ANKHD1: variants seen among roughly 807,000 people sequenced by gnomAD.
The protein encoded by ANKHD1 is ankyrin repeat and KH domain containing 1.
ANKHD1 carries 31 observed loss-of-function variants against 230.5 expected under a neutral mutation model. The ratio of observed to expected loss-of-function variants is 0.13; its 90% CI spans 0.10 to 0.18. The LOEUF (loss-of-function observed/expected upper bound fraction) is 0.18. Ranked by LOEUF, ANKHD1 falls within the 10% of genes least tolerant of loss-of-function variation. ANKHD1 has a pLI of 1.00. For synonymous variants in ANKHD1, 1,074 were observed against 1,117.6 expected (o/e 0.96, Z 0.78); for missense variants, 2,256 against 3,071.3 (o/e 0.73, Z 6.27).
chr5:140,523,862 A>AT (rs937215224), intron 24 of ANKHD1, among the ~76,000 whole-genome samples: 1 of 151,930 alleles, frequency 6.6e-6, no homozygotes, highest in African/African-American at 2.4e-5. Flanking sequence ...CGCCCAGCTG[A>AT]TTTTTTACTT....
At chr5:140,486,354 A>G (rs1224775595) in intron 13 of ANKHD1, among the ~76,000 whole-genome samples, 1 of 152,132 alleles carries the variant, frequency 6.6e-6, no homozygotes, top group African/African-American at 2.4e-5. Flanking sequence ...CGTGAGCCAC[A>G]TGCCCGGCCG....
Position 140,401,997 on chromosome 5 carries a change from C to T in ANKHD1, c.30C>T (p.Thr10=), listed in dbSNP as rs1769980294. 6.4e-7 allele frequency: 1 copy of T among 1,556,340 alleles called. No homozygotes were observed. The change falls in exon 1 of 34, where the codon ACC becomes ACT. Residue 10 remains threonine (T), a synonymous_variant. Coordinates refer to ENST00000360839, the MANE Select transcript of ANKHD1 (RefSeq NM_017747.3). The part of the protein sequence containing the change: MLTDSGGGG[T]SFEEDLDSVA... ...TGACTGATAGCGGAGGCGGCGGCAC[C>T]TCCTTTGAGGAGGACCTGGACTCTG... is the stretch of plus-strand genomic sequence containing the variant.
intron 28 of ANKHD1, 37 bp downstream of exon 28, chr5:140,528,059 G>C (rs767934465): frequency 6.2e-7 from 1 of 1,605,996 alleles, no homozygotes; most frequent in Admixed American, 1.7e-5. Flanking sequence ...GTTCTGAGTA[G>C]AAATTATAAG....
chr5:140,497,431 A>G (rs1752082452), intron 15 of ANKHD1, among the ~76,000 whole-genome samples, 153 bp downstream of exon 15: 1 of 152,242 alleles, frequency 6.6e-6, no homozygotes, highest in Non-Finnish European at 1.5e-5. Flanking sequence ...TGAATTAACT[A>G]TGCTCAATAG....
chr5:140,530,508 C>T (rs1253260491), intron 29 of ANKHD1, among the ~76,000 whole-genome samples: 1 of 152,184 alleles, frequency 6.6e-6, no homozygotes, highest in Non-Finnish European at 1.5e-5. Context: ...AGCCACCGTG[C>T]CCAGCCTAGA....
In ANKHD1 at chr5:140,440,429, T is replaced by C. The variant is rs966848088; in HGVS notation, c.765+163T>C. On this transcript the variant is annotated intron_variant, in intron 4 of 33. Transcript: ENST00000360839. ...GGTAAAGTAGAAACAGATAACACAG[T>C]TTATTTTGTTGCCGGTACATGTAAC... is the stretch of plus-strand genomic sequence containing the variant. 2.1e-4 allele frequency among the ~76,000 whole-genome samples: 32 copies of C among 152,226 alleles called. 1 individual carries two copies. The highest frequency in any genetic ancestry group is 1.1e-3 in the Admixed American group (17 of 15,276).
intron 13 of ANKHD1, chr5:140,486,170 T>C: frequency 5.6e-6 from 1 of 179,272 alleles, no homozygotes; most frequent in Non-Finnish European, 1.1e-5. Flanking sequence ...GCTCAAGCGA[T>C]TCTCTTGCCT....
chr5:140,509,822 T>G lies in ANKHD1; in HGVS notation c.3941+10T>G. On this transcript the variant is annotated intron_variant, in intron 21 of 33. Transcript: ENST00000360839. Reference sequence around the variant, plus strand: ...AACTCCTGATTCATAGGTGAGTACTTTTCTATTATATGTAGAACTTCTCAT... The same window carrying G: ...AACTCCTGATTCATAGGTGAGTACTGTTCTATTATATGTAGAACTTCTCAT... The G allele has an allele frequency of 6.2e-7, 1 of 1,603,604 alleles. No homozygotes were observed. Among genetic ancestry groups the G allele is most frequent in the East Asian group, 2.2e-5 (1 of 44,838 alleles).
chr5:140,508,583 C>T (rs571761020), intron 20 of ANKHD1, among the ~76,000 whole-genome samples: 86 of 152,058 alleles, frequency 5.7e-4, no homozygotes, highest in African/African-American at 2.0e-3. Context: ...GTGAAACCCC[C>T]GTCTCTACTA....
intron 14 of ANKHD1, among the ~76,000 whole-genome samples, chr5:140,487,907 G>C (rs1276569368): frequency 6.6e-6 from 1 of 152,150 alleles, no homozygotes; most frequent in East Asian, 1.9e-4. Context: ...AGAAAAGTTG[G>C]TGTGGGTTGA....
At chr5:140,420,808 C>G (rs1042118307) in intron 1 of ANKHD1, among the ~76,000 whole-genome samples, 2 of 151,964 alleles carry the variant, frequency 1.3e-5, no homozygotes, top group African/African-American at 2.4e-5. Flanking sequence ...TTTGGTTATT[C>G]TGGGTTATTG....
chr5:140,435,670 C>T (rs970215277), intron 1 of ANKHD1, among the ~76,000 whole-genome samples: 3 of 151,956 alleles, frequency 2.0e-5, no homozygotes, highest in African/African-American at 7.2e-5. Flanking sequence ...TGAGCCACTG[C>T]GCCCAGCCCC....
chr5:140,528,900 C>T lies in ANKHD1; in HGVS notation c.5954C>T (p.Ser1985Phe). 3 of 1,614,182 alleles carry T rather than the reference C, an allele frequency of 1.9e-6. No individual in the cohort carries two copies. Among genetic ancestry groups the T allele is most frequent in the Non-Finnish European group, 1.7e-6 (2 of 1,180,042 alleles). The change falls in exon 29 of 34, where the codon TCC becomes TTC. Residue 1985 changes from serine to phenylalanine, a missense_variant. Around this residue, in one of 13 missense-constraint regions of ANKHD1, gnomAD observed 778 missense variants for 966.5 expected, o/e 0.80. Coordinates refer to ENST00000360839, the MANE Select transcript of ANKHD1 (RefSeq NM_017747.3). ...VISSVTSTCS[S>F]LPSVSSAPIT... is the part of the protein sequence containing the mutation. ...TCTTCTGTGACAAGCACTTGTAGTT[C>T]CCTGCCTTCTGTCTCCTCTGCACCT...
chr5:140,509,141 T>G (rs1752657642), intron 20 of ANKHD1, among the ~76,000 whole-genome samples: 1 of 152,208 alleles, frequency 6.6e-6, no homozygotes, highest in African/African-American at 2.4e-5. Context: ...TGTCATTCAA[T>G]TTGTCTTTTT....
intron 23 of ANKHD1, 67 bp from the exon 24 acceptor site, chr5:140,513,296 C>A: frequency 6.9e-7 from 1 of 1,454,192 alleles, no homozygotes; most frequent in Non-Finnish European, 9.3e-7. Context: ...CTTTAATGTG[C>A]TCATCAGCTT....
At chr5:140,454,117 C>CAAGG in intron 7 of ANKHD1, among the ~76,000 whole-genome samples, 1 of 151,580 alleles carries the variant, frequency 6.6e-6, no homozygotes. Flanking sequence ...AGAGACAAGG[C>CAAGG]CATTACATAA....
Position 140,529,610 on chromosome 5 carries a change from G to T in ANKHD1, c.6664G>T (p.Val2222Leu). Residue 2222 changes from valine to leucine, a missense_variant, in exon 29 of 34, where the codon GTG becomes TTG. Val to Leu is a conservative substitution (Grantham distance 32). Transcript: ENST00000360839. The part of the protein sequence containing the change: ...HFSSLFDSSQ[V>L]PANQGWGDGP... ...CAGCAGTCTTTTTGATAGTAGTCAG[G>T]TGCCAGCTAACCAGGGCTGGGGAGA... The T allele has an allele frequency of 6.2e-7, 1 of 1,614,186 alleles. No homozygotes were observed. The highest frequency in any genetic ancestry group is 8.5e-7 in the Non-Finnish European group (1 of 1,180,042).
Position 140,458,489 on chromosome 5 carries a change from A to G in ANKHD1, c.1243-136A>G, listed in dbSNP as rs1357523751. 5.0e-6 allele frequency: 4 copies of G among 799,164 alleles called. No individual in the cohort carries two copies. The East Asian group carries it at 1.1e-4, about 22-fold the overall frequency. The allele number at this position is 799,164 out of a possible 1,614,324, so 49.5% of individuals were successfully genotyped here. A position where few individuals can be genotyped will look rare whatever the true frequency, so the allele number is the denominator to read the frequency against. On this transcript the variant is annotated intron_variant, in intron 7 of 33. Transcript: ENST00000360839. ...GGCTCAGATGAGCATGATAATATAT[A>G]TGCTGTCTATGCTGAATCTTCTAAT...
At chr5:140,457,980 G>C (rs564965720) in intron 7 of ANKHD1, among the ~76,000 whole-genome samples, 1 of 152,232 alleles carries the variant, frequency 6.6e-6, no homozygotes, top group Admixed American at 6.5e-5. Flanking sequence ...TGTCTATGCA[G>C]ATAGGCCATG....
Sources: gnomAD v4.1 joint callset for allele counts (sites outside exome capture counted in the v4.1 genomes callset) on GRCh38, gnomAD v4.1.1 for gene constraint, gnomAD v4.1.1 regional missense constraint, MANE v1.5 for transcripts, NCBI Gene and HGNC (gene_info 2026-07-23, HGNC 2026-07-21) for gene names.